The following FAM81A variants were observed in gnomAD, a reference collection of about 807,000 sequenced individuals.
FAM81A encodes the protein family with sequence similarity 81 member A.
FAM81A carries 19 observed loss-of-function variants against 46.7 expected under a neutral mutation model. The observed-to-expected ratio is 0.41, with a 90% CI of 0.28 to 0.60. The LOEUF (loss-of-function observed/expected upper bound fraction) is 0.60. Ranked by LOEUF, FAM81A falls within the 20% of genes least tolerant of loss-of-function variation. The probability of loss-of-function intolerance (pLI) is 0.34; values close to 1 mark genes in which losing one functional copy is unlikely to be tolerated. For synonymous variants in FAM81A, 183 were observed against 152.9 expected (o/e 1.20, Z -1.45); for missense variants, 377 against 453.5 (o/e 0.83, Z 1.53).
In FAM81A at chr15:59,421,869, C is replaced by CTCTATCTA. The variant is rs59527837; in HGVS notation, c.-78+19558_-78+19565dup. On this transcript the variant is annotated intron_variant, in intron 2 of 4. Coordinates refer to the FAM81A transcript ENST00000558348. ...TTGGGGACAGATTAAACCCTCAACC[C>CTCTATCTA]TCTATCTATCTATCTATCTATCTAT... is the stretch of plus-strand genomic sequence containing the variant. Among the ~76,000 whole-genome samples, 1,353 of 147,080 alleles carry CTCTATCTA rather than the reference C, an allele frequency of 9.2e-3. 8 individuals carry two copies. The highest frequency in any genetic ancestry group is 0.01 in the Non-Finnish European group (672 of 67,114).
At position 59,407,291 on chromosome 15, in the gene FAM81A, CT is replaced by C. The variant is rs3053043; in HGVS notation, c.-78+4954del. 6.4e-4 allele frequency: 77 copies of C among 120,216 alleles called. 1 individual carries two copies. The highest frequency in any genetic ancestry group is 1.7e-3 in the African/African-American group (55 of 32,516). 7.4% of individuals were successfully genotyped at this position (120,216 alleles called of 1,614,324 possible). On this transcript the variant is annotated intron_variant, in intron 2 of 4. Transcript: ENST00000558348. ...CACCCACTTTCTTTTCTTTTCTTTC[CT>C]TTTTTTTTTTTTTTTTTTTTGAGAC...
chr15:59,481,828 G>T (rs775612560), intron 3 of FAM81A, among the ~76,000 whole-genome samples: 3 of 151,666 alleles, frequency 2.0e-5, no homozygotes, highest in African/African-American at 7.3e-5. Flanking sequence ...AGGGCCAGCT[G>T]TGCCTTTTTT....
At chr15:59,401,326 G>A in intron 1 of FAM81A, 1 of 804,216 alleles carries the variant, frequency 1.2e-6, no homozygotes, top group East Asian at 2.4e-5. Flanking sequence ...GGCCCAATTT[G>A]CTCACATTTA....
chr15:59,462,202 C>CAAAA (rs58692315), intron 3 of FAM81A, among the ~76,000 whole-genome samples: 1 of 67,570 alleles, frequency 1.5e-5, no homozygotes, highest in Non-Finnish European at 3.1e-5. Context: ...GACTGCATCT[C>CAAAA]AAAAAAAAAA....
At chr15:59,439,492 A>G (rs1596471329) in intron 1 of FAM81A, among the ~76,000 whole-genome samples, 1 of 151,938 alleles carries the variant, frequency 6.6e-6, no homozygotes, top group African/African-American at 2.4e-5. Context: ...TTCCATATCC[A>G]CTGTCTATAA....
intron 2 of FAM81A, among the ~76,000 whole-genome samples, chr15:59,427,005 C>T (rs2081197789): frequency 6.6e-6 from 1 of 152,200 alleles, no homozygotes; most frequent in Admixed American, 6.5e-5. Flanking sequence ...AACTGTAATT[C>T]CCTTCGCTAA....
At position 59,522,311 on chromosome 15, in the gene FAM81A, G is replaced by A. The variant is rs866070547; in HGVS notation, c.*933G>A. 2 of 152,608 alleles carry A rather than the reference G, an allele frequency of 1.3e-5. No homozygotes were observed. The highest frequency in any genetic ancestry group is 4.8e-5 in the African/African-American group (2 of 41,450). 9.5% of individuals were successfully genotyped at this position (152,608 alleles called of 1,614,324 possible). A position where few individuals can be genotyped will look rare whatever the true frequency, so the allele number is the denominator to read the frequency against. ...CTTGGTTTTATCATGTCAATGCACT[G>A]TACTCTGTAAAAGTTTTGCAGACAA... On this transcript the variant is annotated 3_prime_UTR_variant, in exon 9 of 9. Transcript: ENST00000288228.
intron 3 of FAM81A, among the ~76,000 whole-genome samples, chr15:59,489,797 C>T (rs1325864665): frequency 6.6e-6 from 1 of 152,104 alleles, no homozygotes; most frequent in Non-Finnish European, 1.5e-5. Context: ...CATGATCATG[C>T]AATGGGGAAA....
At chr15:59,489,479 A>C (rs1428362478) in intron 3 of FAM81A, among the ~76,000 whole-genome samples, 3 of 152,150 alleles carry the variant, frequency 2.0e-5, no homozygotes, top group African/African-American at 7.2e-5. Context: ...TGTCTGTACT[A>C]CCTGAAGCAA....
intron 6 of FAM81A, among the ~76,000 whole-genome samples, chr15:59,513,989 C>T (rs763484671): frequency 2.6e-5 from 4 of 151,936 alleles, no homozygotes; most frequent in Non-Finnish European, 4.4e-5. Flanking sequence ...GAAAACCAAA[C>T]ACCACATGTT....
rs576143103 is a variant in FAM81A at position 59,458,394 on chromosome 15, C to T, written c.-77-156C>T. 9.9e-5 allele frequency among the ~76,000 whole-genome samples: 15 copies of T among 152,210 alleles called. No individual in the cohort carries two copies. In the South Asian group the frequency reaches 2.9e-3, roughly 29 times the overall value. ...TTTTCTTCTTATTTGGAAACATATG[C>T]TGTTTATTTCATGTATAAGATACAA... On this transcript the variant is annotated intron_variant, in intron 1 of 8. Transcript: ENST00000288228.
chr15:59,424,773 A>G (rs190007509), intron 2 of FAM81A, among the ~76,000 whole-genome samples: 6 of 152,338 alleles, frequency 3.9e-5, no homozygotes, highest in Admixed American at 6.5e-5. Context: ...CACCGTGTCT[A>G]TATCTATTTC....
At chr15:59,450,493 A>G (rs1354399064) in intron 1 of FAM81A, among the ~76,000 whole-genome samples, 1 of 152,092 alleles carries the variant, frequency 6.6e-6, no homozygotes, top group East Asian at 1.9e-4. Flanking sequence ...TGCTTTCTAA[A>G]GTGGTAGTAT....
chr15:59,518,242 TGCTGGGATTACAGGCAA>T (rs2082288089), intron 8 of FAM81A, among the ~76,000 whole-genome samples: 2 of 151,578 alleles, frequency 1.3e-5, no homozygotes, highest in Non-Finnish European at 2.9e-5. Flanking sequence ...CCTGCTGAAG[TGCTGGGATTACAGGCAA>T]GAGCCACCAG....
chr15:59,433,597 C>T (rs1483063428), upstream of FAM81A, among the ~76,000 whole-genome samples: 1 of 151,970 alleles, frequency 6.6e-6, no homozygotes, highest in African/African-American at 2.4e-5. Context: ...ACAACAGAGC[C>T]AATTGTAGTT....
chr15:59,461,260 A>C (rs2081547703), intron 3 of FAM81A, among the ~76,000 whole-genome samples: 1 of 152,116 alleles, frequency 6.6e-6, no homozygotes, highest in South Asian at 2.1e-4. Flanking sequence ...GAAACCTTAC[A>C]ATATGAGGTC....
intron 2 of FAM81A, among the ~76,000 whole-genome samples, chr15:59,423,256 G>A (rs538002963): frequency 1.9e-4 from 29 of 152,096 alleles, no homozygotes; most frequent in Non-Finnish European, 3.8e-4. Context: ...CCGCCAACAC[G>A]CCTGGCTAAT....
intron 3 of FAM81A, among the ~76,000 whole-genome samples, chr15:59,464,191 C>G (rs78492784): frequency 6.6e-6 from 1 of 152,070 alleles, no homozygotes; most frequent in East Asian, 1.9e-4. Context: ...TGTATATACA[C>G]CACATTGTCT....
chr15:59,459,460 T>G (rs537042649), intron 2 of FAM81A, among the ~76,000 whole-genome samples: 80 of 152,266 alleles, frequency 5.3e-4, no homozygotes, highest in African/African-American at 1.7e-3. Flanking sequence ...TGGCTCCCTT[T>G]AGCTGGGAAA....
Sources: allele counts gnomAD v4.1 joint callset (sites outside exome capture counted in the v4.1 genomes callset), GRCh38; gene constraint gnomAD v4.1.1; transcripts MANE v1.5; gene names NCBI Gene and HGNC (gene_info 2026-07-23, HGNC 2026-07-21).